FRYL: variants seen among roughly 807,000 people sequenced by gnomAD.
FRYL encodes FRY like transcription coactivator, also known as protein furry homolog-like.
Under a neutral mutation model 351.2 loss-of-function variants are expected in FRYL, and 150 were observed. The observed-to-expected ratio is 0.43, with a 90% CI of 0.37 to 0.49. FRYL has a LOEUF of 0.49. Ranked by LOEUF, FRYL falls within the 20% of genes least tolerant of loss-of-function variation. The pLI, the probability that FRYL is intolerant of heterozygous loss-of-function variation, is 0.00. For missense variants in FRYL, 3,036 were observed against 3,619.3 expected (o/e 0.84, Z 4.13); for synonymous variants, 1,153 against 1,257.1 (o/e 0.92, Z 1.75).
chr4:48,531,403 T>A (rs750092893), intron 49 of FRYL, 50 bp from the exon 50 acceptor site: 1 of 1,136,366 alleles, frequency 8.8e-7, no homozygotes, highest in Non-Finnish European at 1.3e-6. Context: ...CACATTCAAC[T>A]AAGAACAACA....
intron 44 of FRYL, among the ~76,000 whole-genome samples, chr4:48,543,162 C>T (rs1180527312): frequency 6.6e-6 from 1 of 152,224 alleles, no homozygotes; most frequent in Non-Finnish European, 1.5e-5. Flanking sequence ...TTCCCCAGAT[C>T]ATAAACAGAA....
In FRYL at chr4:48,582,678, G is replaced by A; in HGVS notation, c.1805C>T (p.Ala602Val). Residue 602 changes from alanine to valine, a missense_variant, in exon 20 of 64, where the codon GCA becomes GTA. By Grantham distance (64) the Ala-to-Val change is moderately conservative. This residue lies in a region of FRYL where 492 missense variants were observed against 551.5 expected (regional missense o/e 0.89). Coordinates refer to ENST00000358350, the MANE Select transcript of FRYL (RefSeq NM_015030.2). ...LRALAFNTLQ[A>V]LMLDFPDWRE... ...CCAATCTGGAAAATCAAGCATTAGT[G>A]CCTGCAGAGTATTGAAAGCCAGAGC... 1 of 1,614,084 alleles carries A rather than the reference G, an allele frequency of 6.2e-7. No homozygotes were observed. The highest frequency in any genetic ancestry group is 8.5e-7 in the Non-Finnish European group (1 of 1,179,986).
chr4:48,616,838 T>C (rs1176179501), intron 7 of FRYL, among the ~76,000 whole-genome samples: 1 of 152,138 alleles, frequency 6.6e-6, no homozygotes, highest in Non-Finnish European at 1.5e-5. Context: ...AGGTGTATTA[T>C]ATGGGGCAAA....
intron 3 of FRYL, among the ~76,000 whole-genome samples, chr4:48,664,647 AG>A (rs918782688): frequency 5.3e-5 from 8 of 152,236 alleles, no homozygotes; most frequent in African/African-American, 1.9e-4. Context: ...TAGACAGCAG[AG>A]AAGTAGACAG....
intron 2 of FRYL, among the ~76,000 whole-genome samples, chr4:48,694,287 T>C (rs974316385): frequency 2.0e-5 from 3 of 152,168 alleles, no homozygotes; most frequent in Admixed American, 6.5e-5. Context: ...TAAAAAAGTA[T>C]TTAAAAATTT....
At chr4:48,616,137 C>A (rs545581912) in intron 7 of FRYL, among the ~76,000 whole-genome samples, 1 of 151,610 alleles carries the variant, frequency 6.6e-6, no homozygotes, top group Admixed American at 6.6e-5. Context: ...TTGATGGGTG[C>A]AGCAAACCAT....
At chr4:48,730,639 T>A (rs1770619530) in intron 1 of FRYL, among the ~76,000 whole-genome samples, 1 of 152,130 alleles carries the variant, frequency 6.6e-6, no homozygotes, top group African/African-American at 2.4e-5. Context: ...CTAAGCTTCA[T>A]AAGTGAAGGA....
chr4:48,699,052 T>C (rs1766474454), intron 2 of FRYL, among the ~76,000 whole-genome samples: 1 of 152,154 alleles, frequency 6.6e-6, no homozygotes, highest in African/African-American at 2.4e-5. Flanking sequence ...GCCCATAATT[T>C]CAGTAAATGT....
In FRYL at chr4:48,626,390, T is replaced by C. The variant is rs554785595; in HGVS notation, c.121-3211A>G. On this transcript the variant is annotated intron_variant, in intron 4 of 63. Transcript: ENST00000358350. ...AAAAATTAAATCATTTTCATTTTAG[T>C]TTTTTGTTCTGTTAAACAAAATTAA... is the stretch of plus-strand genomic sequence containing the variant. Among the ~76,000 whole-genome samples, 37 of 152,252 alleles carry C rather than the reference T, an allele frequency of 2.4e-4. No individual in the cohort carries two copies. The South Asian group carries it at 5.2e-3, about 21-fold the overall frequency.
intron 3 of FRYL, among the ~76,000 whole-genome samples, chr4:48,674,604 G>A (rs1763250304): frequency 6.6e-6 from 1 of 151,704 alleles, no homozygotes; most frequent in Admixed American, 6.6e-5. Context: ...GGGCGTGGTG[G>A]CGGGCTCCTG....
At position 48,563,956 on chromosome 4, in the gene FRYL, G is replaced by A. The variant is rs1053456093; in HGVS notation, c.3588C>T (p.Phe1196=). Residue 1196 remains phenylalanine, a synonymous_variant, in exon 31 of 64, where the codon TTC becomes TTT. Coordinates refer to ENST00000358350, the MANE Select transcript of FRYL (RefSeq NM_015030.2). The stretch of plus-strand genomic sequence containing the variant: ...ACCTGTATCTAAAGTACCTGTTCTG[G>A]AAAACATTAGCAATGGCTTTAAAGC... ...AGCFKAIANV[F]QNRDYQCDTV... The A allele has an allele frequency of 3.7e-6, 6 of 1,612,996 alleles. No individual in the cohort carries two copies. The African/African-American group carries it at 8.0e-5, about 22-fold the overall frequency.
chr4:48,767,879 A>G (rs1177755778), intron 1 of FRYL, among the ~76,000 whole-genome samples: 1 of 152,174 alleles, frequency 6.6e-6, no homozygotes, highest in East Asian at 1.9e-4. Flanking sequence ...TCCAGAGGCA[A>G]GGACGCCAAC....
chr4:48,547,753 G>T lies in FRYL; in HGVS notation c.4905C>A (p.His1635Gln). The stretch of plus-strand genomic sequence containing the variant: ...GTTTACAATGTTCATACACCTCAGG[G>T]TGGCAGTGGTCAAACCCTAAAAAGG... ...HAIFIGFDHC[H>Q]PEVYEHCKRL... The change falls in exon 41 of 64, where the codon CAC becomes CAA. Residue 1635 changes from histidine to glutamine, a missense_variant. This residue lies in a region of FRYL where 1,987 missense variants were observed against 2,311.7 expected (regional missense o/e 0.86). Coordinates refer to ENST00000358350, the MANE Select transcript of FRYL (RefSeq NM_015030.2). 3 of 1,519,364 alleles carry T rather than the reference G, an allele frequency of 2.0e-6. No individual in the cohort carries two copies. Among genetic ancestry groups the T allele is most frequent in the South Asian group, 1.3e-5 (1 of 74,758 alleles). 94.1% of individuals were successfully genotyped at this position (1,519,364 alleles called of 1,614,324 possible).
At chr4:48,628,899 GA>G (rs1039434711) in intron 4 of FRYL, among the ~76,000 whole-genome samples, 16 of 151,806 alleles carry the variant, frequency 1.1e-4, no homozygotes, top group African/African-American at 3.4e-4. Flanking sequence ...TAATAGACAT[GA>G]AAAACTGGTA....
chr4:48,565,490 C>G lies in FRYL; in HGVS notation c.3330+41G>C, dbSNP rs745882554. On this transcript the variant is annotated intron_variant, in intron 29 of 63. Coordinates refer to ENST00000358350, the MANE Select transcript of FRYL (RefSeq NM_015030.2). ...CTGAGAGACTTAAAAATACTTAACT[C>G]TGCTCTTAAGAAAAAAGAAATCAGG... The G allele has an allele frequency of 4.8e-6, 7 of 1,460,070 alleles. No homozygotes were observed. In the African/African-American group the frequency reaches 1.0e-4, roughly 21 times the overall value. 90.4% of individuals were successfully genotyped at this position (1,460,070 alleles called of 1,614,324 possible).
chr4:48,540,911 T>G lies in FRYL; in HGVS notation c.5737A>C (p.Lys1913Gln), dbSNP rs1324371764. 1 of 1,611,302 alleles carries G rather than the reference T, an allele frequency of 6.2e-7. No individual in the cohort carries two copies. Among genetic ancestry groups the G allele is most frequent in the African/African-American group, 1.3e-5 (1 of 74,846 alleles). Residue 1913 changes from lysine to glutamine, a missense_variant, in exon 46 of 64, where the codon AAA becomes CAA. Lys to Gln is a moderately conservative substitution (Grantham distance 53). Around this residue, in one of 7 missense-constraint regions of FRYL, gnomAD observed 1,987 missense variants for 2,311.7 expected, o/e 0.86. Transcript: ENST00000358350. ...CTTAGATTGAGTTGTCCAGTGCTTT[T>G]CCTGTTAGCTGCATACTTGTTTCCC... The part of the protein sequence containing the change: ...IMGNKYAANR[K>Q]STGQLNLSTS...
intron 1 of FRYL, among the ~76,000 whole-genome samples, chr4:48,755,202 G>A (rs1434775876): frequency 6.6e-6 from 1 of 152,086 alleles, no homozygotes; most frequent in East Asian, 1.9e-4. Flanking sequence ...TGTGCAGTTG[G>A]TTTTTTAACC....
chr4:48,546,978 GAA>G (rs60262230), intron 41 of FRYL, among the ~76,000 whole-genome samples: 3,945 of 151,248 alleles, frequency 0.026, 67 homozygotes, highest in Admixed American at 0.046. Context: ...TGTATGATTA[GAA>G]AAAAAAAAGG....
intron 7 of FRYL, among the ~76,000 whole-genome samples, chr4:48,612,536 GCATA>G (rs1412913226): frequency 6.8e-6 from 1 of 148,074 alleles, no homozygotes; most frequent in Non-Finnish European, 1.5e-5. Context: ...GACACCACAT[GCATA>G]CAGTTTTATT....
Sources: gnomAD v4.1 joint callset for allele counts (sites outside exome capture counted in the v4.1 genomes callset) on GRCh38, gnomAD v4.1.1 for gene constraint, gnomAD v4.1.1 regional missense constraint, MANE v1.5 for transcripts, NCBI Gene and HGNC (gene_info 2026-07-23, HGNC 2026-07-21) for gene names.